NAV2: variants seen among roughly 807,000 people sequenced by gnomAD.
NAV2 encodes helicase, APC down-regulated 1.
A neutral mutation model predicts 223.2 loss-of-function variants in NAV2; 54 were observed. The observed-to-expected ratio is 0.24, with a 90% CI of 0.19 to 0.30. The LOEUF (loss-of-function observed/expected upper bound fraction) is 0.30. NAV2 is among the 10% of genes least tolerant of loss of function. The pLI is 1.00. For synonymous variants in NAV2, 1,279 were observed against 1,239.3 expected, an observed-to-expected ratio of 1.03 and a Z score of -0.67; for missense variants, 2,806 against 3,147.5, an observed-to-expected ratio of 0.89 and a Z score of 2.60.
chr11:19,482,699 C>T (rs2042317081), intron 1 of NAV2, among the ~76,000 whole-genome samples: 1 of 152,122 alleles, frequency 6.6e-6, no homozygotes, highest in Non-Finnish European at 1.5e-5. Context: ...TGGAGCTGGT[C>T]GGATGGGCAG....
chr11:19,766,663 C>A (rs1033540805), intron 1 of NAV2, among the ~76,000 whole-genome samples: 1 of 152,142 alleles, frequency 6.6e-6, no homozygotes, highest in African/African-American at 2.4e-5. Context: ...TCTGGAGCCA[C>A]TTTATGGAGC....
intron 1 of NAV2, among the ~76,000 whole-genome samples, chr11:19,642,223 C>A (rs1366882678): frequency 1.3e-5 from 2 of 152,160 alleles, no homozygotes; most frequent in Non-Finnish European, 2.9e-5. Flanking sequence ...CAAGTCCCAG[C>A]CAGCCCCACC....
intron 1 of NAV2, among the ~76,000 whole-genome samples, chr11:19,667,966 T>C (rs1359072737): frequency 1.3e-5 from 2 of 152,318 alleles, no homozygotes; most frequent in Middle Eastern, 3.4e-3. Context: ...ACTGCCCTTA[T>C]ACTTCTAAGG....
chr11:19,628,481 C>T (rs1410083719), intron 1 of NAV2, among the ~76,000 whole-genome samples: 1 of 152,190 alleles, frequency 6.6e-6, no homozygotes, highest in Non-Finnish European at 1.5e-5. Flanking sequence ...TCCCCACACC[C>T]CGTACACACA....
At chr11:19,646,977 T>C (rs2047833488) in intron 1 of NAV2, among the ~76,000 whole-genome samples, 1 of 152,124 alleles carries the variant, frequency 6.6e-6, no homozygotes, top group Non-Finnish European at 1.5e-5. Flanking sequence ...TTCTGAAAGC[T>C]CTGCCACAGG....
chr11:19,639,689 G>A (rs1590753041), intron 1 of NAV2, among the ~76,000 whole-genome samples: 1 of 152,260 alleles, frequency 6.6e-6, no homozygotes, highest in South Asian at 2.1e-4. Flanking sequence ...TCAACAGAAG[G>A]GGAAACAGAG....
At position 20,045,262 on chromosome 11, in the gene NAV2, G is replaced by A. The variant is rs141834826; in HGVS notation, c.3494G>A (p.Arg1165Gln). 5.6e-4 allele frequency: 896 copies of A among 1,614,184 alleles called. 3 individuals are homozygous for A. The highest frequency in any genetic ancestry group is 7.4e-4 in the South Asian group (67 of 91,086). The change falls in exon 14 of 38, where the codon CGG becomes CAG. Residue 1165 changes from arginine (R) to glutamine (Q), a missense_variant. By Grantham distance (43) the Arg-to-Gln change is conservative (BLOSUM62 1). Transcript: ENST00000349880. Reference protein sequence around the residue: ...SSALVSRSAGRKSSMDGAQNQ... With the variant: ...SSALVSRSAGQKSSMDGAQNQ... ...GCACTCGTCAGTCGGTCTGCTGGTC[G>A]GAAGTCAAGTATGGATGGGGCTCAG...
chr11:19,835,186 T>A (rs2060163916), intron 2 of NAV2, among the ~76,000 whole-genome samples: 1 of 152,212 alleles, frequency 6.6e-6, no homozygotes, highest in Non-Finnish European at 1.5e-5. Context: ...GACAGTGGCA[T>A]CTTTAGGCCT....
rs1342907041 is a variant in NAV2 at position 20,090,875 on chromosome 11, T to C, written c.5509T>C (p.Cys1837Arg). The C allele has an allele frequency of 1.2e-6, 2 of 1,613,932 alleles. No homozygotes were observed. Among genetic ancestry groups the C allele is most frequent in the Non-Finnish European group, 1.7e-6 (2 of 1,179,884 alleles). Residue 1837 changes from cysteine (C) to arginine (R), a missense_variant, in exon 27 of 38, where the codon TGC (cysteine) becomes CGC (arginine). Transcript: ENST00000349880. ...TTCCTCTTTCCCTAGAATTTCAGAA[T>C]GCATGGATAGTGAAGCTGAGACCGT... ...NSHSNSLISECMDSEAETVMQ... is the reference protein window; with the variant it reads ...NSHSNSLISERMDSEAETVMQ...
intron 8 of NAV2, among the ~76,000 whole-genome samples, chr11:19,940,451 C>T (rs1195440817): frequency 6.6e-6 from 1 of 152,142 alleles, no homozygotes; most frequent in Non-Finnish European, 1.5e-5. Context: ...ACGGTGGATT[C>T]CAGGCTGCTA....
At chr11:19,739,041 C>T (rs530608446) in intron 1 of NAV2, among the ~76,000 whole-genome samples, 57 of 152,212 alleles carry the variant, frequency 3.7e-4, no homozygotes, top group Non-Finnish European at 2.4e-4. Flanking sequence ...ATTAGCTGGG[C>T]ATAGTGGCAC....
intron 1 of NAV2, among the ~76,000 whole-genome samples, chr11:19,489,925 A>G (rs2042569068): frequency 6.6e-6 from 1 of 152,284 alleles, no homozygotes; most frequent in Non-Finnish European, 1.5e-5. Flanking sequence ...CACCCAGTTA[A>G]ACACTATACA....
intron 1 of NAV2, among the ~76,000 whole-genome samples, chr11:19,462,554 T>C (rs1852203884): frequency 6.6e-6 from 1 of 152,234 alleles, no homozygotes; most frequent in African/African-American, 2.4e-5. Context: ...CCTCTCTCTA[T>C]GTTTCATGTA....
chr11:19,385,947 G>A (rs573236275), intron 1 of NAV2, among the ~76,000 whole-genome samples: 108 of 151,954 alleles, frequency 7.1e-4, no homozygotes, highest in African/African-American at 2.4e-3. Flanking sequence ...TATTTTTTTA[G>A]TAGAGACGGG....
chr11:19,642,457 T>C (rs749695263), intron 1 of NAV2, among the ~76,000 whole-genome samples: 11 of 152,190 alleles, frequency 7.2e-5, no homozygotes, highest in Non-Finnish European at 1.5e-4. Context: ...GGAACTTAGA[T>C]GACCTCAGGA....
At chr11:19,918,524 T>A (rs1882529) in intron 6 of NAV2, among the ~76,000 whole-genome samples, 26,117 of 152,102 alleles carry the variant, frequency 0.17, 2,570 homozygotes, top group East Asian at 0.37. Flanking sequence ...ATGCCTGCTG[T>A]GTGAGCAGAG....
chr11:19,850,550 C>A (rs2625317), intron 3 of NAV2, among the ~76,000 whole-genome samples: 54,299 of 151,680 alleles, frequency 0.36, 9,889 homozygotes, highest in East Asian at 0.48. Flanking sequence ...GTGCTTTGAG[C>A]ACTCAGTATT....
chr11:19,566,205 G>C (rs2134835864), intron 1 of NAV2, among the ~76,000 whole-genome samples: 1 of 152,048 alleles, frequency 6.6e-6, no homozygotes, highest in Non-Finnish European at 1.5e-5. Flanking sequence ...TGAGTAGCTG[G>C]GACTACAGGT....
intron 26 of NAV2, among the ~76,000 whole-genome samples, chr11:20,085,246 A>G (rs555818123): frequency 6.6e-6 from 1 of 152,008 alleles, no homozygotes; most frequent in African/African-American, 2.4e-5. Flanking sequence ...AAGAGTAAAT[A>G]CTAGTGGAGA....
Sources: allele counts gnomAD v4.1 joint callset (sites outside exome capture counted in the v4.1 genomes callset), GRCh38; gene constraint gnomAD v4.1.1; transcripts MANE v1.5; gene names NCBI Gene and HGNC (gene_info 2026-07-23, HGNC 2026-07-21).